Variants in CCDC68 observed in about 807,000 individuals in gnomAD.
The protein encoded by CCDC68 is coiled-coil domain-containing protein 68.
In CCDC68, 45 loss-of-function variants were observed where a neutral mutation model predicts 47.1. That is an observed-to-expected ratio of 0.96 (90% CI 0.75 to 1.23). The LOEUF (loss-of-function observed/expected upper bound fraction) is 1.23. Ranked by LOEUF, CCDC68 falls within the 50% of genes most tolerant of loss-of-function variation. The pLI is 0.00. For synonymous variants in CCDC68, 131 were observed against 129.5 expected (o/e 1.01, Z -0.08); for missense variants, 353 against 373.6 (o/e 0.94, Z 0.45).
At chr18:54,918,230 T>C (rs2043989522) in intron 9 of CCDC68, among the ~76,000 whole-genome samples, 1 of 152,244 alleles carries the variant, frequency 6.6e-6, no homozygotes, top group Non-Finnish European at 1.5e-5. Flanking sequence ...TTGGATAACC[T>C]GTTTAAACCA....
Position 54,950,788 on chromosome 18 carries a change from G to GTATATATATATATATATA in CCDC68, c.-102-5312_-102-5311insTATATATATATATATATA, listed in dbSNP as rs759466735. Among the ~76,000 whole-genome samples, 133 of 97,308 alleles carry GTATATATATATATATATA rather than the reference G, an allele frequency of 1.4e-3. 8 individuals are homozygous for GTATATATATATATATATA. In the East Asian group the frequency reaches 0.014, roughly 10 times the overall value. 63.8% of individuals were successfully genotyped at this position (97,308 alleles called of 152,430 possible). ...CTGTGTTATTGTTATTATCTTCAGT[G>GTATATATATATATATATA]TATATATATATATATGATGCAATAA... On this transcript the variant is annotated intron_variant, in intron 1 of 11. Coordinates refer to ENST00000591504, the MANE Select transcript of CCDC68 (RefSeq NM_025214.3).
intron 11 of CCDC68, 135 bp from the exon 12 acceptor site, chr18:54,904,550 T>A (rs1913874282): frequency 1.5e-6 from 1 of 685,534 alleles, no homozygotes; most frequent in East Asian, 2.8e-5. Context: ...AGAGATGTGT[T>A]AATAGATGTA....
At chr18:54,925,930 A>C (rs2081580526) in intron 8 of CCDC68, among the ~76,000 whole-genome samples, 1 of 152,126 alleles carries the variant, frequency 6.6e-6, no homozygotes, top group Non-Finnish European at 1.5e-5. Context: ...AAATTCATGA[A>C]TGTGTCTTAC....
Position 54,941,096 on chromosome 18 carries a change from A to G in CCDC68, c.118-13T>C, listed in dbSNP as rs1041753466. ...GAGTAGTTCGAATCTAGAGAAGGAA[A>G]ACAAAACCATTTGTTTCAAAGGCAT... On this transcript the variant is annotated splice_polypyrimidine_tract_variant and intron_variant, in intron 3 of 11. Coordinates refer to ENST00000591504, the MANE Select transcript of CCDC68 (RefSeq NM_025214.3). The G allele has an allele frequency of 8.1e-6, 13 of 1,599,602 alleles. No homozygotes were observed. The highest frequency in any genetic ancestry group is 1.1e-5 in the Non-Finnish European group (13 of 1,169,326).
At chr18:54,915,754 C>A (rs1378399264) in intron 10 of CCDC68, among the ~76,000 whole-genome samples, 3 of 152,002 alleles carry the variant, frequency 2.0e-5, no homozygotes, top group South Asian at 2.1e-4. Flanking sequence ...CATGGTGAAA[C>A]CCCGTCTCTA....
chr18:54,943,155 T>C (rs564754470), intron 2 of CCDC68, among the ~76,000 whole-genome samples: 1 of 152,290 alleles, frequency 6.6e-6, no homozygotes, highest in South Asian at 2.1e-4. Flanking sequence ...AAATGTAGAA[T>C]TAACATGATA....
rs59686916 is a variant in CCDC68, at chr18:54,917,840, GAC to G, written c.873+71_873+72del. ...TGATACTGATACCCTCACGTGCACAGACACACACACACACACACACACACACA... is the reference window on the plus strand; with the variant it reads ...TGATACTGATACCCTCACGTGCACAGACACACACACACACACACACACACA... On this transcript the variant is annotated intron_variant, in intron 10 of 11. Coordinates refer to ENST00000591504, the MANE Select transcript of CCDC68 (RefSeq NM_025214.3). 0.017 allele frequency: 12,020 copies of G among 723,674 alleles called. 653 individuals are homozygous for G. The African/African-American group carries it at 0.17, about 10-fold the overall frequency. The allele number at this position is 723,674 out of a possible 1,614,324, so 44.8% of individuals were successfully genotyped here.
At position 54,911,605 on chromosome 18, in the gene CCDC68, TTA is replaced by T. The variant is rs551499028; in HGVS notation, c.874-3745_874-3744del. ...TCCTCATATAATGAATATAAATCTA[TTA>T]TACACTCCAAACAAGGGCAGGCACA... On this transcript the variant is annotated intron_variant, in intron 10 of 11. Coordinates refer to ENST00000591504, the MANE Select transcript of CCDC68 (RefSeq NM_025214.3). Among the ~76,000 whole-genome samples, 342 of 152,292 alleles carry T rather than the reference TTA, an allele frequency of 2.2e-3. 4 individuals carry two copies. Among genetic ancestry groups the T allele is most frequent in the Non-Finnish European group, 4.2e-3 (284 of 68,026 alleles).
At position 54,901,838 on chromosome 18, in the gene CCDC68, A is replaced by C. The variant is rs1041018841; in HGVS notation, c.*2520T>G. ...TATATTTCCTGTGAAGTACTATTTTAGCTGAATAAATATTATTCCCCCTTG... is the reference window on the plus strand; with the variant it reads ...TATATTTCCTGTGAAGTACTATTTTCGCTGAATAAATATTATTCCCCCTTG... On this transcript the variant is annotated 3_prime_UTR_variant, in exon 12 of 12. Coordinates refer to ENST00000591504, the MANE Select transcript of CCDC68 (RefSeq NM_025214.3). 3 of 152,128 alleles carry C rather than the reference A, an allele frequency of 2.0e-5. No individual in the cohort carries two copies. The highest frequency in any genetic ancestry group is 4.4e-5 in the Non-Finnish European group (3 of 68,016). The allele number at this position is 152,128 out of a possible 1,614,324, so 9.4% of individuals were successfully genotyped here.
At chr18:54,919,981 T>C (rs2044027845) in intron 8 of CCDC68, among the ~76,000 whole-genome samples, 1 of 152,236 alleles carries the variant, frequency 6.6e-6, no homozygotes, top group Non-Finnish European at 1.5e-5. Flanking sequence ...CAAATATTTT[T>C]GAGTCCACAT....
At chr18:54,944,495 A>C (rs1321927705) in intron 2 of CCDC68, among the ~76,000 whole-genome samples, 1 of 152,174 alleles carries the variant, frequency 6.6e-6, no homozygotes, top group African/African-American at 2.4e-5. Context: ...TGATGGATTG[A>C]AACTTATCAA....
At chr18:54,937,792 T>C (rs1013670288) in intron 5 of CCDC68, 165 bp downstream of exon 5, 2 of 467,244 alleles carry the variant, frequency 4.3e-6, no homozygotes, top group East Asian at 7.1e-5. Context: ...CAGTGAGATA[T>C]GATTTGTGAA....
chr18:54,905,248 T>A (rs1913919910), intron 11 of CCDC68, among the ~76,000 whole-genome samples: 1 of 146,488 alleles, frequency 6.8e-6, no homozygotes, highest in Non-Finnish European at 1.5e-5. Context: ...AGTGAGGCCC[T>A]GTCAAAACAG....
rs2044016493 is a variant in CCDC68 at position 54,919,495 on chromosome 18, C to T, written c.684-119G>A. The T allele has an allele frequency of 3.8e-6, 3 of 786,558 alleles. No homozygotes were observed. In the Admixed American group the frequency reaches 6.2e-5, roughly 16 times the overall value. 48.7% of individuals were successfully genotyped at this position (786,558 alleles called of 1,614,324 possible). On this transcript the variant is annotated intron_variant, in intron 8 of 11. Transcript: ENST00000591504. The stretch of plus-strand genomic sequence containing the variant: ...GCTACTGGGGATCAGTTGGGTAAGA[C>T]CCCGGGGCCCCATTATGCCACATAG...
At position 54,910,782 on chromosome 18, in the gene CCDC68, C is replaced by T. The variant is rs187927353; in HGVS notation, c.874-2920G>A. ...AAGGGGGTTAGCATGTCAGCTCTAA[C>T]CCGAGCATGCACACACCCAGCTGAG... On this transcript the variant is annotated intron_variant, in intron 10 of 11. Transcript: ENST00000591504. Among the ~76,000 whole-genome samples the T allele has an allele frequency of 1.4e-4, 21 of 152,350 alleles. No homozygotes were observed. The East Asian group carries it at 4.1e-3, about 29-fold the overall frequency.
Position 54,934,949 on chromosome 18 carries a change from C to A in CCDC68, c.472-1G>T. 1 of 1,579,870 alleles carries A rather than the reference C, an allele frequency of 6.3e-7. No individual in the cohort carries two copies. Among genetic ancestry groups the A allele is most frequent in the South Asian group, 1.2e-5 (1 of 85,494 alleles). ...TCTGTTCTTTTTCAAGCTTGTTAAC[C>A]TATGGTCAGAGAATCAGTTGTGTTG... On this transcript the variant is annotated splice_acceptor_variant, in intron 6 of 11. Coordinates refer to ENST00000591504, the MANE Select transcript of CCDC68 (RefSeq NM_025214.3). LOFTEE classifies it high-confidence loss of function.
chr18:54,914,913 GGTTAA>G (rs1310809411), intron 10 of CCDC68, among the ~76,000 whole-genome samples: 2 of 152,158 alleles, frequency 1.3e-5, no homozygotes, highest in African/African-American at 2.4e-5. Flanking sequence ...ACAGCGTCGG[GGTTAA>G]GTTGTCAGTT....
intron 3 of CCDC68, among the ~76,000 whole-genome samples, chr18:54,942,455 T>A (rs1337931384): frequency 2.6e-5 from 4 of 152,164 alleles, no homozygotes; most frequent in Non-Finnish European, 5.9e-5. Flanking sequence ...TTTTACTGAG[T>A]GAGTAAAATC....
At chr18:54,913,561 G>A (rs1162171295) in intron 10 of CCDC68, among the ~76,000 whole-genome samples, 1 of 152,176 alleles carries the variant, frequency 6.6e-6, no homozygotes, top group African/African-American at 2.4e-5. Flanking sequence ...CAGCACTTTG[G>A]GAGGCCAAGG....
Sources: gnomAD v4.1 joint callset for allele counts (sites outside exome capture counted in the v4.1 genomes callset) on GRCh38, gnomAD v4.1.1 for gene constraint, MANE v1.5 for transcripts, NCBI Gene and HGNC (gene_info 2026-07-23, HGNC 2026-07-21) for gene names.